The following CFAP52 variants were observed in gnomAD, a reference collection of about 807,000 sequenced individuals.
CFAP52 encodes the protein cilia and flagella associated protein 52.
Under a neutral mutation model 70.5 loss-of-function variants are expected in CFAP52, and 57 were observed. That is an observed-to-expected ratio of 0.81 (90% CI 0.65 to 1.01). The LOEUF (loss-of-function observed/expected upper bound fraction) is 1.01, where lower values mean the gene tolerates loss of function less well. Among genes scored for constraint, CFAP52 ranks in the 50% least tolerant of loss-of-function variants. The pLI, the probability that CFAP52 is intolerant of heterozygous loss-of-function variation, is 0.00. For missense variants in CFAP52, 785 were observed against 788.5 expected (o/e 1.00, Z 0.05); for synonymous variants, 267 against 292.5 (o/e 0.91, Z 0.89).
chr17:9,636,224 AAAG>A (rs1910789471), intron 11 of CFAP52, among the ~76,000 whole-genome samples: 1 of 150,036 alleles, frequency 6.7e-6, no homozygotes, highest in South Asian at 2.1e-4. Flanking sequence ...AGAAAGAAAG[AAAG>A]AAAGAAAGAA....
At chr17:9,597,446 T>G (rs184032397) in intron 4 of CFAP52, 1 of 152,190 alleles carries the variant, frequency 6.6e-6, no homozygotes, top group Non-Finnish European at 1.5e-5. Flanking sequence ...TATTCTACAA[T>G]GTGTATATGT....
Position 9,629,736 on chromosome 17 carries a change from G to A in CFAP52, c.1174+916G>A, listed in dbSNP as rs564380365. Among the ~76,000 whole-genome samples, 10 of 151,828 alleles carry A rather than the reference G, an allele frequency of 6.6e-5. No individual in the cohort carries two copies. The South Asian group carries it at 2.1e-3, about 32-fold the overall frequency. On this transcript the variant is annotated intron_variant, in intron 9 of 13. Transcript: ENST00000352665. ...CCCAAGTATCTGGGACTACAGGCGT[G>A]TGTCATCACGATGGGCTAATTTTTT...
intron 8 of CFAP52, among the ~76,000 whole-genome samples, chr17:9,615,984 C>T (rs763218147): frequency 7.3e-5 from 11 of 151,238 alleles, no homozygotes; most frequent in South Asian, 2.1e-4. Flanking sequence ...TATAGTTTTT[C>T]GGGGGGAGGA....
chr17:9,639,374 C>T (rs981974399), intron 12 of CFAP52, among the ~76,000 whole-genome samples: 7 of 151,142 alleles, frequency 4.6e-5, no homozygotes, highest in African/African-American at 1.2e-4. Flanking sequence ...GAGGTTGCGG[C>T]GAGCCAAGAT....
At chr17:9,582,083 T>C (rs977733289) in intron 1 of CFAP52, among the ~76,000 whole-genome samples, 1 of 152,206 alleles carries the variant, frequency 6.6e-6, no homozygotes. Flanking sequence ...CCAAGAACCA[T>C]AATTTTTAAA....
At chr17:9,594,400 T>C in intron 4 of CFAP52, 79 bp downstream of exon 4, 1 of 1,535,664 alleles carries the variant, frequency 6.5e-7, no homozygotes, top group Non-Finnish European at 8.8e-7. Flanking sequence ...CATTCTGATC[T>C]GGGGGAACAC....
intron 11 of CFAP52, among the ~76,000 whole-genome samples, chr17:9,637,830 C>T (rs1240473639): frequency 6.6e-6 from 1 of 152,246 alleles, no homozygotes; most frequent in African/African-American, 2.4e-5. Context: ...CCACCTTGGC[C>T]TCCCACAAGT....
intron 3 of CFAP52, chr17:9,590,220 T>C (rs1908686535): frequency 5.5e-6 from 1 of 181,910 alleles, no homozygotes; most frequent in Non-Finnish European, 1.2e-5. Flanking sequence ...TTACTTTCTC[T>C]GGCAAAGGGC....
At position 9,586,732 on chromosome 17, in the gene CFAP52, A is replaced by T. The variant is rs1021527679; in HGVS notation, c.305A>T (p.Glu102Val). ...DIILWDYKNR[E>V]LLARLSLHKG... ...ATTTTGTGGGATTATAAGAACAGAG[A>T]GCTGCTTGCTCGGCTGTCCCTTCAC... Residue 102 changes from glutamate to valine, a missense_variant, in exon 3 of 14, where the codon GAG (glutamate) becomes GTG (valine). Physicochemically the swap from Glu to Val is moderately radical, Grantham distance 121. Transcript: ENST00000352665. The T allele has an allele frequency of 6.2e-7, 1 of 1,613,570 alleles. No homozygotes were observed. Among genetic ancestry groups the T allele is most frequent in the African/African-American group, 1.3e-5 (1 of 74,846 alleles).
chr17:9,636,123 G>C (rs1315658992), intron 11 of CFAP52, among the ~76,000 whole-genome samples: 2 of 150,552 alleles, frequency 1.3e-5, no homozygotes, highest in East Asian at 3.9e-4. Context: ...GCAGTGAACT[G>C]AGATCATGCC....
intron 6 of CFAP52, among the ~76,000 whole-genome samples, chr17:9,604,785 AT>A (rs1422595581): frequency 6.6e-6 from 1 of 150,806 alleles, no homozygotes; most frequent in Non-Finnish European, 1.5e-5. Flanking sequence ...AAATAAATAA[AT>A]AAATAAATAA....
intron 8 of CFAP52, among the ~76,000 whole-genome samples, chr17:9,625,757 G>A (rs1029806837): frequency 1.3e-5 from 2 of 152,146 alleles, no homozygotes. Flanking sequence ...GGTTTTTGGT[G>A]TCATTAAGAT....
intron 1 of CFAP52, among the ~76,000 whole-genome samples, chr17:9,583,381 G>T (rs2151926384): frequency 6.6e-6 from 1 of 152,118 alleles, no homozygotes; most frequent in East Asian, 1.9e-4. Context: ...TCCAGAGGGA[G>T]TTAAATATAA....
chr17:9,631,062 GAAAGAAAGAAAGAAAGAAAGAGAA>G (rs1567634981), intron 9 of CFAP52, among the ~76,000 whole-genome samples: 2 of 119,780 alleles, frequency 1.7e-5, no homozygotes, highest in East Asian at 3.4e-4. Context: ...GAGAAAGAAA[GAAAGAAAGAAAGAAAGAAAGAGAA>G]AGAAAGAAAG....
intron 1 of CFAP52, among the ~76,000 whole-genome samples, chr17:9,577,922 T>A (rs1160993443): frequency 6.6e-6 from 1 of 151,982 alleles, no homozygotes; most frequent in Non-Finnish European, 1.5e-5. Flanking sequence ...TGAAATCCCA[T>A]CTATACTAAA....
At chr17:9,636,952 G>A (rs760109531) in intron 11 of CFAP52, among the ~76,000 whole-genome samples, 1 of 152,168 alleles carries the variant, frequency 6.6e-6, no homozygotes, top group Non-Finnish European at 1.5e-5. Flanking sequence ...GGCTGAGGCA[G>A]GAGAATCGCT....
At chr17:9,589,929 C>T in intron 3 of CFAP52, 1 of 153,536 alleles carries the variant, frequency 6.5e-6, no homozygotes, top group Non-Finnish European at 1.5e-5. Flanking sequence ...CCTCCTTGGG[C>T]AAGTCTTGAT....
intron 3 of CFAP52, 98 bp from the exon 4 acceptor site, chr17:9,594,095 T>A (rs1256653898): frequency 1.5e-5 from 22 of 1,451,380 alleles, no homozygotes; most frequent in Non-Finnish European, 2.0e-5. Context: ...TAACCTGTTG[T>A]GTTTTTTTCT....
intron 6 of CFAP52, among the ~76,000 whole-genome samples, chr17:9,606,066 G>A (rs1311249775): frequency 6.6e-6 from 1 of 151,564 alleles, no homozygotes; most frequent in Non-Finnish European, 1.5e-5. Flanking sequence ...ACCTAAAACT[G>A]CTCTAAAAAA....
Sources: gnomAD v4.1 joint callset for allele counts (sites outside exome capture counted in the v4.1 genomes callset) on GRCh38, gnomAD v4.1.1 for gene constraint, MANE v1.5 for transcripts, NCBI Gene and HGNC (gene_info 2026-07-23, HGNC 2026-07-21) for gene names.